Variants in HS3ST4 observed in about 807,000 individuals in gnomAD.
HS3ST4 encodes the protein heparan sulfate glucosamine 3-O-sulfotransferase 4.
HS3ST4 carries 17 observed loss-of-function variants against 29.2 expected under a neutral mutation model. The ratio of observed to expected loss-of-function variants is 0.58; its 90% CI spans 0.40 to 0.87. The LOEUF is 0.87. Ranked by LOEUF, HS3ST4 falls within the 40% of genes least tolerant of loss-of-function variation. The probability of loss-of-function intolerance (pLI) is 0.00; values close to 1 mark genes in which losing one functional copy is unlikely to be tolerated. For synonymous variants in HS3ST4, 314 were observed against 285.7 expected (o/e 1.10, Z -1.00); for missense variants, 627 against 634.5 (o/e 0.99, Z 0.13).
At chr16:26,006,195 A>G (rs1311561406) in intron 1 of HS3ST4, among the ~76,000 whole-genome samples, 3 of 144,548 alleles carry the variant, frequency 2.1e-5, no homozygotes, top group Non-Finnish European at 4.5e-5. Flanking sequence ...GCTACTTGGG[A>G]GGCTGAGGCA....
chr16:25,928,268 G>C (rs1191241791), intron 1 of HS3ST4, among the ~76,000 whole-genome samples: 1 of 151,826 alleles, frequency 6.6e-6, no homozygotes. Context: ...GGGAGGCTGA[G>C]GTAGGAGGAT....
At chr16:25,818,238 G>A (rs191672244) in intron 1 of HS3ST4, among the ~76,000 whole-genome samples, 8 of 152,262 alleles carry the variant, frequency 5.3e-5, no homozygotes, top group Non-Finnish European at 1.2e-4. Context: ...GGGGCCCTTG[G>A]GGGTGATTAG....
chr16:25,722,513 G>C (rs1471355669), intron 1 of HS3ST4, among the ~76,000 whole-genome samples: 1 of 152,232 alleles, frequency 6.6e-6, no homozygotes, highest in Non-Finnish European at 1.5e-5. Flanking sequence ...AACTTACGTT[G>C]ATTTCTCAGA....
At chr16:26,049,993 C>T (rs1440236254) in intron 1 of HS3ST4, among the ~76,000 whole-genome samples, 1 of 152,130 alleles carries the variant, frequency 6.6e-6, no homozygotes, top group Non-Finnish European at 1.5e-5. Context: ...TCCATGAGCC[C>T]CCTGAACCCT....
intron 1 of HS3ST4, among the ~76,000 whole-genome samples, chr16:26,083,678 G>C (rs1898750947): frequency 6.6e-6 from 1 of 152,134 alleles, no homozygotes; most frequent in African/African-American, 2.4e-5. Context: ...TGTTTGGCTG[G>C]TCCTTGGTCT....
In HS3ST4 at chr16:25,801,744, T is replaced by G. The variant is rs574953665; in HGVS notation, c.734+108593T>G. 3.9e-5 allele frequency among the ~76,000 whole-genome samples: 6 copies of G among 152,308 alleles called. No homozygotes were observed. In the East Asian group the frequency reaches 1.2e-3, roughly 29 times the overall value. On this transcript the variant is annotated intron_variant, in intron 1 of 1. Coordinates refer to ENST00000331351, the MANE Select transcript of HS3ST4 (RefSeq NM_006040.3). ...TTGTCCATTTTTCATTCTAATCGTT[T>G]TATAAAGGCTATTTATTTAATCATA...
At chr16:25,769,058 G>T (rs1161854531) in intron 1 of HS3ST4, among the ~76,000 whole-genome samples, 1 of 152,110 alleles carries the variant, frequency 6.6e-6, no homozygotes, top group African/African-American at 2.4e-5. Context: ...ACTGTGTTGG[G>T]TCAGAACATG....
intron 1 of HS3ST4, among the ~76,000 whole-genome samples, chr16:25,699,613 T>C (rs1053767852): frequency 1.3e-5 from 2 of 152,220 alleles, no homozygotes; most frequent in African/African-American, 4.8e-5. Context: ...TTAATCTCTG[T>C]TTCTTAGGTG....
chr16:25,895,336 T>G (rs1968049847), intron 1 of HS3ST4, among the ~76,000 whole-genome samples: 2 of 152,084 alleles, frequency 1.3e-5, no homozygotes, highest in Non-Finnish European at 2.9e-5. Context: ...ACAATGTAGG[T>G]CTGGGGACGA....
intron 1 of HS3ST4, among the ~76,000 whole-genome samples, chr16:25,942,368 G>A (rs373147293): frequency 2.0e-5 from 3 of 152,182 alleles, no homozygotes; most frequent in African/African-American, 7.2e-5. Context: ...GAGTCTCTAA[G>A]GGTTATAATC....
rs1048123692 is a variant in HS3ST4, at chr16:26,006,169, C to T, written c.735-129443C>T. 7.2e-5 allele frequency among the ~76,000 whole-genome samples: 11 copies of T among 151,760 alleles called. 1 individual carries two copies. Among genetic ancestry groups the T allele is most frequent in the Admixed American group, 7.2e-4 (11 of 15,236 alleles). The stretch of plus-strand genomic sequence containing the variant: ...TGAAAATTAGCCAGGTGTGGTGGTG[C>T]ACACCTGTAGTCCCAGCTACTTGGG... On this transcript the variant is annotated intron_variant, in intron 1 of 1. Coordinates refer to ENST00000331351, the MANE Select transcript of HS3ST4 (RefSeq NM_006040.3).
intron 1 of HS3ST4, among the ~76,000 whole-genome samples, chr16:25,841,781 T>TG (rs1227779625): frequency 6.6e-6 from 1 of 152,150 alleles, no homozygotes; most frequent in African/African-American, 2.4e-5. Context: ...CCTGCGTCTG[T>TG]GGGTGGTGTG....
intron 1 of HS3ST4, among the ~76,000 whole-genome samples, chr16:25,729,779 C>T (rs76638655): frequency 2.6e-5 from 4 of 152,124 alleles, no homozygotes; most frequent in African/African-American, 9.7e-5. Flanking sequence ...GAGGTAATTT[C>T]TTTCAAATGA....
At chr16:25,825,577 T>C (rs974259678) in intron 1 of HS3ST4, 3 of 152,278 alleles carry the variant, frequency 2.0e-5, no homozygotes, top group African/African-American at 7.2e-5. Flanking sequence ...TCAACTCCTT[T>C]AGCTCCACAT....
At chr16:25,729,064 C>T (rs533268775) in intron 1 of HS3ST4, among the ~76,000 whole-genome samples, 73 of 151,614 alleles carry the variant, frequency 4.8e-4, no homozygotes, top group Non-Finnish European at 9.0e-4. Flanking sequence ...GCCTGGGCGA[C>T]GGAACAAGAC....
rs115728307 is a variant in HS3ST4 at position 25,970,165 on chromosome 16, C to T, written c.735-165447C>T. 3.5e-3 allele frequency among the ~76,000 whole-genome samples: 526 copies of T among 152,334 alleles called. 2 individuals carry two copies. Among genetic ancestry groups the T allele is most frequent in the African/African-American group, 0.011 (466 of 41,590 alleles). The stretch of plus-strand genomic sequence containing the variant: ...GCGAATGCAAGGACAGGCCAAGAAA[C>T]GGCCTTTGGAGTCTAAAGCGATGAA... On this transcript the variant is annotated intron_variant, in intron 1 of 1. Coordinates refer to ENST00000331351, the MANE Select transcript of HS3ST4 (RefSeq NM_006040.3).
At chr16:25,858,042 T>G (rs1392188994) in intron 1 of HS3ST4, among the ~76,000 whole-genome samples, 2 of 151,080 alleles carry the variant, frequency 1.3e-5, no homozygotes, top group African/African-American at 4.9e-5. Context: ...TTCTCTTTCT[T>G]CTTTCTCTTT....
chr16:25,762,848 G>T (rs1399178633), intron 1 of HS3ST4, among the ~76,000 whole-genome samples: 3 of 125,346 alleles, frequency 2.4e-5, no homozygotes, highest in East Asian at 2.7e-4. Context: ...CTACACTCCA[G>T]CCTGGGTGAC....
At chr16:25,942,478 A>T (rs911636917) in intron 1 of HS3ST4, among the ~76,000 whole-genome samples, 1 of 152,192 alleles carries the variant, frequency 6.6e-6, no homozygotes, top group Admixed American at 6.5e-5. Context: ...TTTCTCAAAG[A>T]GTACTGAAAA....
Sources: allele counts gnomAD v4.1 joint callset (sites outside exome capture counted in the v4.1 genomes callset), GRCh38; gene constraint gnomAD v4.1.1; transcripts MANE v1.5; gene names NCBI Gene and HGNC (gene_info 2026-07-23, HGNC 2026-07-21).